Variants in RNF175 observed in about 807,000 individuals in gnomAD.
The protein encoded by RNF175 is ring finger protein 175.
In RNF175, 38 loss-of-function variants were observed where a neutral mutation model predicts 50.0. The ratio of observed to expected loss-of-function variants is 0.76; its 90% confidence interval spans 0.59 to 1.00. RNF175 has a LOEUF of 1.00. Ranked by LOEUF, RNF175 falls within the 50% of genes least tolerant of loss-of-function variation. RNF175 has a pLI of 0.00. For missense variants in RNF175, 388 were observed against 409.6 expected (o/e 0.95, Z 0.46); for synonymous variants, 155 against 146.1 (o/e 1.06, Z -0.44).
At chr4:153,731,295 A>G (rs2606324) in intron 3 of RNF175, among the ~76,000 whole-genome samples, 26,758 of 152,248 alleles carry the variant, frequency 0.18, 3,049 homozygotes, top group Non-Finnish European at 0.25. Context: ...AAATAAACAC[A>G]TGAAATATAT....
At chr4:153,742,323 C>G (rs1739712307) in intron 3 of RNF175, among the ~76,000 whole-genome samples, 1 of 147,698 alleles carries the variant, frequency 6.8e-6, no homozygotes, top group African/African-American at 2.5e-5. Flanking sequence ...GGTGGCAAGG[C>G]AGTATAAGCA....
chr4:153,742,381 T>C (rs191509046), intron 3 of RNF175, among the ~76,000 whole-genome samples: 49 of 152,250 alleles, frequency 3.2e-4, no homozygotes, highest in African/African-American at 1.1e-3. Context: ...TCATAGAGGA[T>C]GTAAATCAAT....
chr4:153,728,092 C>T, intron 4 of RNF175, 115 bp downstream of exon 4: 1 of 617,690 alleles, frequency 1.6e-6, no homozygotes, highest in Non-Finnish European at 2.6e-6. Flanking sequence ...AGGTAAAAGA[C>T]ACGTAAAAGA....
intron 1 of RNF175, among the ~76,000 whole-genome samples, chr4:153,753,877 A>G (rs1348088778): frequency 3.3e-5 from 5 of 151,342 alleles, no homozygotes; most frequent in Non-Finnish European, 5.9e-5. Flanking sequence ...GTCTCTTAAG[A>G]AAATATTTTG....
chr4:153,748,938 T>C (rs1740144412), intron 2 of RNF175, 152 bp from the exon 3 acceptor site: 2 of 678,524 alleles, frequency 2.9e-6, no homozygotes, highest in Admixed American at 3.3e-5. Context: ...TAAGCTTTGA[T>C]TGTAAAGTTT....
rs1739639634 is a variant in RNF175, at chr4:153,741,221, T to G, written c.246+7424A>C. On this transcript the variant is annotated intron_variant, in intron 3 of 8. Coordinates refer to ENST00000347063, the MANE Select transcript of RNF175 (RefSeq NM_173662.4). ...GCTAGAGGGAGCTGGAGTTGGGTTA[T>G]TTCTCTCCCCTCATATTGGATGAGG... is the stretch of plus-strand genomic sequence containing the variant. Among the ~76,000 whole-genome samples, 5 of 152,208 alleles carry G rather than the reference T, an allele frequency of 3.3e-5. No homozygotes were observed. The South Asian group carries it at 1.0e-3, about 32-fold the overall frequency.
chr4:153,716,063 CAAAAAAAA>C (rs35531787), intron 6 of RNF175, among the ~76,000 whole-genome samples: 1 of 94,190 alleles, frequency 1.1e-5, no homozygotes, highest in African/African-American at 4.9e-5. Flanking sequence ...GACTCTGTCT[CAAAAAAAA>C]AAAAAAAAAA....
chr4:153,718,209 G>GTT (rs1238895381), intron 6 of RNF175, among the ~76,000 whole-genome samples: 1 of 92,594 alleles, frequency 1.1e-5, no homozygotes, highest in African/African-American at 5.0e-5. Context: ...TTCCTAAGGA[G>GTT]TTTTTTTTGT....
At chr4:153,748,323 T>G in intron 3 of RNF175, 1 of 220,296 alleles carries the variant, frequency 4.5e-6, no homozygotes, top group Non-Finnish European at 8.9e-6. Context: ...TTGGCACCAT[T>G]GACATTTTAG....
At chr4:153,717,635 T>A (rs1738020852) in intron 6 of RNF175, among the ~76,000 whole-genome samples, 1 of 152,178 alleles carries the variant, frequency 6.6e-6, no homozygotes, top group African/African-American at 2.4e-5. Flanking sequence ...AATACATGTA[T>A]GGTGGTATCA....
intron 2 of RNF175, 55 bp from the exon 3 acceptor site, chr4:153,748,841 CAA>C (rs145820112): frequency 7.2e-7 from 1 of 1,383,010 alleles, no homozygotes; most frequent in African/African-American, 1.5e-5. Flanking sequence ...GCGCATTTAG[CAA>C]AAAAAACAAA....
chr4:153,710,586 G>T, intron 8 of RNF175, 97 bp from the exon 9 acceptor site: 1 of 1,157,126 alleles, frequency 8.6e-7, no homozygotes, highest in Non-Finnish European at 1.2e-6. Context: ...TAATGAATGG[G>T]TATTTCCTTT....
chr4:153,723,186 T>A, intron 5 of RNF175, 165 bp downstream of exon 5: 1 of 429,544 alleles, frequency 2.3e-6, no homozygotes, highest in Middle Eastern at 5.8e-4. Context: ...CTTTCTTCCC[T>A]TTCTATTGGT....
intron 4 of RNF175, chr4:153,727,698 A>C (rs1444910559): frequency 6.6e-6 from 1 of 152,318 alleles, no homozygotes; most frequent in Non-Finnish European, 1.5e-5. Flanking sequence ...TGAATGATAC[A>C]ACGGAGTTAT....
intron 4 of RNF175, among the ~76,000 whole-genome samples, chr4:153,726,720 G>A (rs2127119050): frequency 6.6e-6 from 1 of 152,294 alleles, no homozygotes; most frequent in Non-Finnish European, 1.5e-5. Flanking sequence ...GGGGCCTATT[G>A]CCTCTTATGT....
chr4:153,719,840 TTTAG>T (rs1197647286), intron 6 of RNF175, among the ~76,000 whole-genome samples: 1 of 152,238 alleles, frequency 6.6e-6, no homozygotes, highest in Non-Finnish European at 1.5e-5. Flanking sequence ...GCTGAAAGGT[TTTAG>T]TTATTGTTAA....
At position 153,752,770 on chromosome 4, in the gene RNF175, G is replaced by A. The variant is rs149107267; in HGVS notation, c.67-1295C>T. On this transcript the variant is annotated intron_variant, in intron 1 of 8. Transcript: ENST00000347063. Reference sequence around the variant, plus strand: ...GGGGAAAGCATAACATATGTGAGGGGCAAAAAACTAATAAGCATATGTAAA... The same window carrying A: ...GGGGAAAGCATAACATATGTGAGGGACAAAAAACTAATAAGCATATGTAAA... Among the ~76,000 whole-genome samples the A allele has an allele frequency of 1.6e-3, 237 of 152,082 alleles. 4 individuals carry two copies. The East Asian group carries it at 0.04, about 25-fold the overall frequency.
In RNF175 at chr4:153,710,482, G is replaced by T; in HGVS notation, c.874C>A (p.Arg292Ser). 1.9e-6 allele frequency: 3 copies of T among 1,608,736 alleles called. No homozygotes were observed. Among genetic ancestry groups the T allele is most frequent in the Non-Finnish European group, 2.5e-6 (3 of 1,177,492 alleles). Reference sequence around the variant, plus strand: ...ATTTGTCCATACAGAAAATGTGTGCGCTCCCAGCTAAATCTCAGTTAAGGA... The same window carrying T: ...ATTTGTCCATACAGAAAATGTGTGCTCTCCCAGCTAAATCTCAGTTAAGGA... ...LKRMISNPWE[R>S]THFLYGQILD... Residue 292 changes from arginine to serine, a missense_variant, in exon 9 of 9, where the codon CGC (arginine) becomes AGC (serine). Physicochemically the swap from Arg to Ser is moderately radical, Grantham distance 110. Transcript: ENST00000347063.
At chr4:153,738,948 G>T (rs918823155) in intron 3 of RNF175, among the ~76,000 whole-genome samples, 2 of 152,042 alleles carry the variant, frequency 1.3e-5, no homozygotes, top group African/African-American at 2.4e-5. Context: ...ATCCAAGTCC[G>T]TTCTCAAATA....
Sources: allele counts gnomAD v4.1 joint callset (sites outside exome capture counted in the v4.1 genomes callset), GRCh38; gene constraint gnomAD v4.1.1; transcripts MANE v1.5; gene names NCBI Gene and HGNC (gene_info 2026-07-23, HGNC 2026-07-21).